RPL26L1: variants seen among roughly 807,000 people sequenced by gnomAD.
The protein encoded by RPL26L1 is ribosomal protein uL24-like.
Under a neutral mutation model 15.2 loss-of-function variants are expected in RPL26L1, and 8 were observed. That is an observed-to-expected ratio of 0.53 (90% CI 0.31 to 0.95). The LOEUF (loss-of-function observed/expected upper bound fraction) is 0.95. Ranked by LOEUF, RPL26L1 falls within the 40% of genes least tolerant of loss-of-function variation. RPL26L1 has a pLI of 0.05. For synonymous variants in RPL26L1, 51 were observed against 65.9 expected, an observed-to-expected ratio of 0.77 and a Z score of 1.09; for missense variants, 146 against 190.9, an observed-to-expected ratio of 0.76 and a Z score of 1.39.
chr5:172,963,313 G>T (rs1755315574), intron 2 of RPL26L1, among the ~76,000 whole-genome samples: 1 of 151,236 alleles, frequency 6.6e-6, no homozygotes, highest in African/African-American at 2.4e-5. Flanking sequence ...GGTAGAGGTT[G>T]CAGTGAGCCA....
intron 2 of RPL26L1, among the ~76,000 whole-genome samples, chr5:172,964,627 T>G (rs1222573551): frequency 6.6e-6 from 1 of 152,204 alleles, no homozygotes; most frequent in African/African-American, 2.4e-5. Context: ...TATGAATTGT[T>G]TCAGCCAAAG....
At chr5:172,955,309 A>G, upstream of RPL26L1, 1 of 286,964 alleles carries the variant, frequency 3.5e-6, no homozygotes, top group South Asian at 3.4e-5. Context: ...TTGTATTTTT[A>G]GGAGAAACAG....
chr5:172,958,376 G>A (rs1234879633), upstream of RPL26L1: 4 of 456,242 alleles, frequency 8.8e-6, no homozygotes, highest in South Asian at 6.2e-5. Flanking sequence ...ACCTGCCTGG[G>A]TGTGGCTGCT....
upstream of RPL26L1, among the ~76,000 whole-genome samples, chr5:172,954,434 T>C (rs60412045): frequency 0.028 from 3,159 of 114,370 alleles, 96 homozygotes; most frequent in African/African-American, 0.094. Flanking sequence ...GTGGGCGTGG[T>C]GGCCTGTAGT....
chr5:172,966,058 C>G (rs1326117081), intron 2 of RPL26L1, among the ~76,000 whole-genome samples: 1 of 152,228 alleles, frequency 6.6e-6, no homozygotes, highest in Non-Finnish European at 1.5e-5. Context: ...GACCAGCCGA[C>G]TTAGTCTTAT....
At chr5:172,964,728 T>G (rs1263135419) in intron 2 of RPL26L1, among the ~76,000 whole-genome samples, 1 of 152,254 alleles carries the variant, frequency 6.6e-6, no homozygotes, top group East Asian at 1.9e-4. Context: ...ATCTTCTGAA[T>G]CTCACTTACC....
upstream of RPL26L1, chr5:172,958,689 T>C: frequency 4.1e-6 from 1 of 241,112 alleles, no homozygotes; most frequent in Non-Finnish European, 8.9e-6. Flanking sequence ...TAGCCAGTGG[T>C]TGGGTGGCGC....
Position 172,968,550 on chromosome 5 carries a change from G to A in RPL26L1, c.260G>A (p.Arg87His), listed in dbSNP as rs1561759475. ...GTCATCTACATCGAGCGGGTGCAGC[G>A]TGAGAAGGCCAACGGCACAACTGTC... ...KYVIYIERVQREKANGTTVHV... is the reference protein window; with the variant it reads ...KYVIYIERVQHEKANGTTVHV... Residue 87 changes from arginine (R) to histidine (H), a missense_variant, in exon 3 of 4, where the codon CGT becomes CAT. Transcript: ENST00000265100. 9.9e-6 allele frequency: 16 copies of A among 1,614,102 alleles called. No homozygotes were observed. Among genetic ancestry groups the A allele is most frequent in the Admixed American group, 1.7e-5 (1 of 60,008 alleles).
chr5:172,959,765 G>T lies in RPL26L1; in HGVS notation c.-9-100G>T. 5 of 1,366,756 alleles carry T rather than the reference G, an allele frequency of 3.7e-6. No individual in the cohort carries two copies. In the South Asian group the frequency reaches 6.2e-5, roughly 17 times the overall value. 84.7% of individuals were successfully genotyped at this position (1,366,756 alleles called of 1,614,324 possible). A position where few individuals can be genotyped will look rare whatever the true frequency, so the allele number is the denominator to read the frequency against. ...TGCCTTTTCAGAGGCTACCTCCCCT[G>T]TAGAGCCTTTGTTGGGGGATGAGGA... On this transcript the variant is annotated intron_variant, in intron 1 of 3. Transcript: ENST00000265100.
upstream of RPL26L1, among the ~76,000 whole-genome samples, chr5:172,956,460 A>G (rs1414881403): frequency 6.6e-6 from 1 of 152,186 alleles, no homozygotes; most frequent in Non-Finnish European, 1.5e-5. Flanking sequence ...TGTAAAAGGG[A>G]CAATTCATAC....
chr5:172,955,193 A>G (rs1167575420), upstream of RPL26L1: 2 of 332,956 alleles, frequency 6.0e-6, no homozygotes, highest in South Asian at 2.2e-5. Context: ...CAATGGCGCG[A>G]TATCGGCTCA....
intron 3 of RPL26L1, 62 bp downstream of exon 3, chr5:172,968,661 T>C (rs11749686): frequency 0.77 from 1,230,168 of 1,604,274 alleles, 483,855 homozygotes; most frequent in Non-Finnish European, 0.81. Flanking sequence ...TTCAAAGTTA[T>C]TGGTGTTTTG....
chr5:172,955,105 G>A (rs1362556980), upstream of RPL26L1: 5 of 420,982 alleles, frequency 1.2e-5, no homozygotes, highest in South Asian at 3.3e-5. Context: ...TGGCACTAGA[G>A]TTCATAAATA....
At chr5:172,960,463 T>C (rs531253298) in intron 2 of RPL26L1, among the ~76,000 whole-genome samples, 1 of 152,266 alleles carries the variant, frequency 6.6e-6, no homozygotes, top group South Asian at 2.1e-4. Flanking sequence ...TGCCAAGTGT[T>C]GTTGCCCAGG....
upstream of RPL26L1, chr5:172,954,961 T>G (rs1211673108): frequency 1.6e-5 from 7 of 439,908 alleles, no homozygotes; most frequent in East Asian, 5.7e-4. Context: ...AGAAATGGCT[T>G]CCCTGGGAAG....
chr5:172,960,059 G>T lies in RPL26L1; in HGVS notation c.168+18G>T. ...AGGTCCAGGTACGTCTCCCTCCGGC[G>T]CTAGTGGCGCTCGGACACCGTTGCC... On this transcript the variant is annotated intron_variant, in intron 2 of 3. Transcript: ENST00000265100. The T allele has an allele frequency of 6.2e-7, 1 of 1,613,816 alleles. No individual in the cohort carries two copies. Among genetic ancestry groups the T allele is most frequent in the Non-Finnish European group, 8.5e-7 (1 of 1,179,890 alleles).
chr5:172,963,897 C>A (rs1458333), intron 2 of RPL26L1, among the ~76,000 whole-genome samples: 6 of 151,978 alleles, frequency 3.9e-5, no homozygotes, highest in Non-Finnish European at 8.8e-5. Context: ...TGTCTATGTA[C>A]TCATTAACTG....
intron 1 of RPL26L1, 158 bp downstream of exon 1, chr5:172,959,626 A>G (rs1344673524): frequency 1.1e-5 from 14 of 1,252,640 alleles, no homozygotes; most frequent in Admixed American, 3.3e-5. Flanking sequence ...CTCAGCCTCA[A>G]GGTCCCAGTG....
chr5:172,958,154 C>T (rs771690970), upstream of RPL26L1: 25 of 341,184 alleles, frequency 7.3e-5, no homozygotes, highest in South Asian at 2.5e-4. Flanking sequence ...ATCCCAGATA[C>T]TGGGGAGGCT....
Sources: gnomAD v4.1 joint callset for allele counts (sites outside exome capture counted in the v4.1 genomes callset) on GRCh38, gnomAD v4.1.1 for gene constraint, MANE v1.5 for transcripts, NCBI Gene and HGNC (gene_info 2026-07-23, HGNC 2026-07-21) for gene names.